The following UBQLN1 variants were observed in gnomAD, a reference collection of about 807,000 sequenced individuals.
UBQLN1 encodes the protein ubiquilin 1.
UBQLN1 carries 13 observed loss-of-function variants against 65.4 expected under a neutral mutation model. That is an observed-to-expected ratio of 0.20 (90% CI 0.13 to 0.32). The LOEUF (loss-of-function observed/expected upper bound fraction) is 0.32, where lower values mean the gene tolerates loss of function less well. UBQLN1 is among the 10% of genes least tolerant of loss of function. UBQLN1 has a pLI of 1.00. For missense variants in UBQLN1, 561 were observed against 724.0 expected, an observed-to-expected ratio of 0.77 and a Z score of 2.58; for synonymous variants, 267 against 247.8, an observed-to-expected ratio of 1.08 and a Z score of -0.73.
intron 1 of UBQLN1, among the ~76,000 whole-genome samples, chr9:83,687,329 C>G (rs1313312603): frequency 1.3e-5 from 2 of 152,226 alleles, no homozygotes; most frequent in African/African-American, 2.4e-5. Flanking sequence ...ATACTATTCT[C>G]AGATCTTTAC....
At chr9:83,672,678 G>A (rs1163321565) in intron 6 of UBQLN1, among the ~76,000 whole-genome samples, 3 of 152,158 alleles carry the variant, frequency 2.0e-5, no homozygotes, top group Non-Finnish European at 2.9e-5. Context: ...ACAGAATAAT[G>A]AAAAAGCCTG....
In UBQLN1 at chr9:83,660,549, G is replaced by GT. The variant is rs1275253440; in HGVS notation, c.*1237dup. 6.6e-6 allele frequency: 1 copy of GT among 152,314 alleles called. No homozygotes were observed. Among genetic ancestry groups the GT allele is most frequent in the East Asian group, 1.9e-4 (1 of 5,176 alleles). The allele number at this position is 152,314 out of a possible 1,614,324, so 9.4% of individuals were successfully genotyped here. ...CTCAACATCATTAAAACGGCTCTTT[G>GT]TTTTTCACCCCTGAATGATACTTCT... On this transcript the variant is annotated 3_prime_UTR_variant, in exon 11 of 11. Coordinates refer to ENST00000376395, the MANE Select transcript of UBQLN1 (RefSeq NM_013438.5).
chr9:83,688,804 T>C (rs1161263426), intron 1 of UBQLN1, among the ~76,000 whole-genome samples: 3 of 151,218 alleles, frequency 2.0e-5, no homozygotes, highest in Admixed American at 6.6e-5. Flanking sequence ...GAGGTTGCAG[T>C]GAGCCGAGAT....
chr9:83,678,219 C>T (rs188539390), intron 5 of UBQLN1, among the ~76,000 whole-genome samples: 33 of 152,200 alleles, frequency 2.2e-4, no homozygotes, highest in African/African-American at 7.5e-4. Context: ...GACGGGATTT[C>T]ACCGTATTAG....
chr9:83,699,858 G>T (rs188802224), intron 1 of UBQLN1, among the ~76,000 whole-genome samples: 5 of 152,188 alleles, frequency 3.3e-5, no homozygotes, highest in African/African-American at 1.2e-4. Context: ...AATAGATTTC[G>T]ACTACCAGTT....
rs1831913105 is a variant in UBQLN1, at chr9:83,679,994, A to G, written c.492T>C (p.Asn164=). The part of the protein sequence containing the change: ...GLAGLSSLGL[N]TTNFSELQSQ... ...TCTGTAGTTCAGAGAAGTTGGTAGTATTCAAACCCAAGCTACTCAGACCTG... is the reference window on the plus strand; with the variant it reads ...TCTGTAGTTCAGAGAAGTTGGTAGTGTTCAAACCCAAGCTACTCAGACCTG... Residue 164 remains asparagine, a synonymous_variant, in exon 4 of 11, where the codon AAT becomes AAC. Coordinates refer to ENST00000376395, the MANE Select transcript of UBQLN1 (RefSeq NM_013438.5). 1 of 1,614,168 alleles carries G rather than the reference A, an allele frequency of 6.2e-7. No homozygotes were observed. The highest frequency in any genetic ancestry group is 2.2e-5 in the East Asian group (1 of 44,874).
At position 83,673,565 on chromosome 9, in the gene UBQLN1, AAAC is replaced by A. The variant is rs1263328127; in HGVS notation, c.1105+4159_1105+4161del. Among the ~76,000 whole-genome samples the A allele has an allele frequency of 6.4e-4, 28 of 43,418 alleles. 2 individuals carry two copies. Among genetic ancestry groups the A allele is most frequent in the African/African-American group, 1.8e-3 (15 of 8,334 alleles). 28.5% of individuals were successfully genotyped at this position (43,418 alleles called of 152,430 possible). ...GTCTTTTAAAAAAAAAAAAAAAAAA[AAAC>A]AAAAAAAAAAAACTGCGCTTACGTT... On this transcript the variant is annotated intron_variant, in intron 6 of 10. Coordinates refer to ENST00000376395, the MANE Select transcript of UBQLN1 (RefSeq NM_013438.5).
intron 1 of UBQLN1, among the ~76,000 whole-genome samples, chr9:83,697,700 C>G (rs889934317): frequency 1.3e-5 from 2 of 150,774 alleles, no homozygotes; most frequent in Non-Finnish European, 3.0e-5. Flanking sequence ...GGACTACAGG[C>G]ATGCACCACC....
chr9:83,704,297 A>G (rs761307790), intron 1 of UBQLN1, among the ~76,000 whole-genome samples: 3 of 152,338 alleles, frequency 2.0e-5, no homozygotes, highest in Non-Finnish European at 2.9e-5. Context: ...TTGTGCTTCA[A>G]GTAGATTTTA....
At chr9:83,674,966 G>A (rs1393671681) in intron 6 of UBQLN1, among the ~76,000 whole-genome samples, 1 of 152,150 alleles carries the variant, frequency 6.6e-6, no homozygotes, top group Non-Finnish European at 1.5e-5. Context: ...TATTTTCAAA[G>A]CATATAAAAA....
At chr9:83,677,306 T>C (rs769277452) in intron 6 of UBQLN1, among the ~76,000 whole-genome samples, 18 of 152,232 alleles carry the variant, frequency 1.2e-4, no homozygotes, top group Non-Finnish European at 2.4e-4. Flanking sequence ...CTCACACCTA[T>C]AATCCCAGCA....
intron 6 of UBQLN1, among the ~76,000 whole-genome samples, chr9:83,675,034 G>C (rs1831807743): frequency 6.6e-6 from 1 of 152,130 alleles, no homozygotes; most frequent in African/African-American, 2.4e-5. Flanking sequence ...AGGTACTCTG[G>C]AAAACATTTG....
chr9:83,706,838 TA>T (rs1162825018), intron 1 of UBQLN1, among the ~76,000 whole-genome samples: 3 of 152,206 alleles, frequency 2.0e-5, no homozygotes, highest in Admixed American at 2.0e-4. Context: ...ATAAACATAC[TA>T]AAAGGGAAAG....
At chr9:83,704,787 T>C (rs116332683) in intron 1 of UBQLN1, among the ~76,000 whole-genome samples, 2,461 of 135,836 alleles carry the variant, frequency 0.018, 87 homozygotes, top group African/African-American at 0.063. Context: ...CACCATGCCA[T>C]TGCACTCCAG....
At chr9:83,671,488 G>A (rs1831729893) in intron 6 of UBQLN1, among the ~76,000 whole-genome samples, 1 of 152,068 alleles carries the variant, frequency 6.6e-6, no homozygotes, top group African/African-American at 2.4e-5. Flanking sequence ...TTAGTTAACA[G>A]GCATAAAAAC....
Position 83,707,789 on chromosome 9 carries a change from A to G in UBQLN1, c.-110T>C, listed in dbSNP as rs968588750. 3 of 1,396,526 alleles carry G rather than the reference A, an allele frequency of 2.1e-6. No homozygotes were observed. The highest frequency in any genetic ancestry group is 1.5e-5 in the African/African-American group (1 of 65,508). The allele number at this position is 1,396,526 out of a possible 1,614,324, so 86.5% of individuals were successfully genotyped here. ...CAGGCCTGGACAGCGAAGAATGCAG[A>G]GCACGCCGCCTCAGTAGCAACGGGC... On this transcript the variant is annotated 5_prime_UTR_variant, in exon 1 of 11. Transcript: ENST00000376395.
At chr9:83,698,080 C>T (rs1049801466) in intron 1 of UBQLN1, among the ~76,000 whole-genome samples, 2 of 152,134 alleles carry the variant, frequency 1.3e-5, no homozygotes, top group Non-Finnish European at 2.9e-5. Context: ...GTGCTTTCAT[C>T]ATAAAGTTAT....
rs768005512 is a variant in UBQLN1, at chr9:83,679,922, C to G, written c.564G>C (p.Gln188His). The G allele has an allele frequency of 1.2e-6, 2 of 1,614,140 alleles. No individual in the cohort carries two copies. The highest frequency in any genetic ancestry group is 1.3e-5 in the African/African-American group (1 of 75,012). The change falls in exon 4 of 11, where the codon CAG becomes CAC. Residue 188 changes from glutamine (Q) to histidine (H), a missense_variant. Around this residue, in one of 8 missense-constraint regions of UBQLN1, gnomAD observed 87 missense variants for 88.8 expected, o/e 0.98. Transcript: ENST00000376395. Reference sequence around the variant, plus strand: ...TCTGAACAAAGGGATTTTCCATGATCTGGACCATCATTTCAGGGTTAGACA... The same window carrying G: ...TCTGAACAAAGGGATTTTCCATGATGTGGACCATCATTTCAGGGTTAGACA... Reference protein sequence around the residue: ...QLLSNPEMMVQIMENPFVQSM... With the variant: ...QLLSNPEMMVHIMENPFVQSM...
chr9:83,698,609 T>C (rs1832260011), intron 1 of UBQLN1, among the ~76,000 whole-genome samples: 2 of 152,178 alleles, frequency 1.3e-5, no homozygotes, highest in South Asian at 4.1e-4. Context: ...GGAATATTAT[T>C]CAGTCATACA....
Sources: allele counts gnomAD v4.1 joint callset (sites outside exome capture counted in the v4.1 genomes callset), GRCh38; gene constraint gnomAD v4.1.1; regional missense constraint gnomAD v4.1.1; transcripts MANE v1.5; gene names NCBI Gene and HGNC (gene_info 2026-07-23, HGNC 2026-07-21).